The following ADGRA3 variants were observed in gnomAD, a reference collection of about 807,000 sequenced individuals.
ADGRA3 encodes the protein adhesion G protein-coupled receptor A3, also known as G-protein coupled receptor 125.
Under a neutral mutation model 119.8 loss-of-function variants are expected in ADGRA3, and 56 were observed. The ratio of observed to expected loss-of-function variants is 0.47; its 90% CI spans 0.38 to 0.58. ADGRA3 has a LOEUF of 0.58. Among genes scored for constraint, ADGRA3 ranks in the 20% least tolerant of loss-of-function variants. ADGRA3 has a pLI of 0.00. For missense variants in ADGRA3, 1,516 were observed against 1,649.0 expected, an observed-to-expected ratio of 0.92 and a Z score of 1.40; for synonymous variants, 607 against 623.8, an observed-to-expected ratio of 0.97 and a Z score of 0.40.
intron 12 of ADGRA3, 55 bp downstream of exon 12, chr4:22,420,831 G>A (rs748797541): frequency 2.6e-6 from 4 of 1,510,984 alleles, no homozygotes; most frequent in South Asian, 1.1e-5. Flanking sequence ...CAGAACATTT[G>A]GAGCATTCTA....
intron 1 of ADGRA3, among the ~76,000 whole-genome samples, chr4:22,502,886 CT>C: frequency 1.1e-5 from 1 of 92,376 alleles, no homozygotes; most frequent in African/African-American, 4.3e-5. Flanking sequence ...ACCAGTCCTA[CT>C]TAAGGGAAAA....
chr4:22,443,502 T>A (rs1039999938), intron 6 of ADGRA3, among the ~76,000 whole-genome samples: 1 of 152,146 alleles, frequency 6.6e-6, no homozygotes, highest in Non-Finnish European at 1.5e-5. Context: ...TAGTACTGTA[T>A]CCTAAAGAAT....
At chr4:22,405,867 T>G (rs920555197) in intron 14 of ADGRA3, among the ~76,000 whole-genome samples, 1 of 152,214 alleles carries the variant, frequency 6.6e-6, no homozygotes, top group South Asian at 2.1e-4. Flanking sequence ...AATAGATTTT[T>G]GATAACTATA....
chr4:22,465,861 G>T (rs552945559), intron 2 of ADGRA3, among the ~76,000 whole-genome samples: 1 of 152,282 alleles, frequency 6.6e-6, no homozygotes, highest in Non-Finnish European at 1.5e-5. Context: ...ATCAAGTTGA[G>T]TTGCTGGAGA....
At chr4:22,464,177 T>G (rs1379008759) in intron 2 of ADGRA3, among the ~76,000 whole-genome samples, 1 of 152,218 alleles carries the variant, frequency 6.6e-6, no homozygotes, top group African/African-American at 2.4e-5. Flanking sequence ...GTATAAAATC[T>G]ATGCTCTGAT....
Position 22,413,295 on chromosome 4 carries a change from C to T in ADGRA3, c.2119G>A (p.Asp707Asn). The change falls in exon 14 of 19, where the codon GAT (aspartate) becomes AAT (asparagine). Residue 707 changes from aspartate to asparagine, a missense_variant. Asp to Asn is a conservative substitution (Grantham distance 23). Transcript: ENST00000334304. Reference protein sequence around the residue: ...ADAVAARWDFDLLNGQGGWKS... With the variant: ...ADAVAARWDFNLLNGQGGWKS... ...CAGCCTCCTTGTCCGTTCAGCAAATCGAAATCCCACCGGGCTGCAACAGCA... is the reference window on the plus strand; with the variant it reads ...CAGCCTCCTTGTCCGTTCAGCAAATTGAAATCCCACCGGGCTGCAACAGCA... 3.7e-6 allele frequency: 6 copies of T among 1,614,064 alleles called. No individual in the cohort carries two copies. The highest frequency in any genetic ancestry group is 2.2e-5 in the East Asian group (1 of 44,874).
intron 8 of ADGRA3, 131 bp from the exon 9 acceptor site, chr4:22,436,772 C>G: frequency 1.4e-6 from 1 of 719,870 alleles, no homozygotes; most frequent in Middle Eastern, 3.8e-4. Flanking sequence ...GTCATCAAAA[C>G]TGGGCTGGGA....
intron 13 of ADGRA3, 49 bp from the exon 14 acceptor site, chr4:22,413,439 A>G: frequency 6.6e-7 from 1 of 1,526,038 alleles, no homozygotes; most frequent in Non-Finnish European, 9.1e-7. Flanking sequence ...CTTCATAACC[A>G]ATTATAAATG....
At chr4:22,479,542 T>C (rs751035706) in intron 1 of ADGRA3, among the ~76,000 whole-genome samples, 10 of 151,734 alleles carry the variant, frequency 6.6e-5, no homozygotes, top group African/African-American at 1.2e-4. Context: ...CTTTACACTG[T>C]TGAAGGGAGT....
intron 4 of ADGRA3, among the ~76,000 whole-genome samples, chr4:22,449,947 T>A (rs959988870): frequency 1.3e-5 from 2 of 152,126 alleles, no homozygotes; most frequent in African/African-American, 4.8e-5. Flanking sequence ...AGGGATCACA[T>A]TAGAGAAGGA....
chr4:22,435,660 T>G (rs528622570), intron 9 of ADGRA3, among the ~76,000 whole-genome samples, 194 bp from the exon 10 acceptor site: 1 of 152,244 alleles, frequency 6.6e-6, no homozygotes, highest in African/African-American at 2.4e-5. Flanking sequence ...GGAGGGAAAT[T>G]TTTTCAAGCT....
chr4:22,390,241 C>T (rs965881113), intron 17 of ADGRA3, among the ~76,000 whole-genome samples: 2 of 150,334 alleles, frequency 1.3e-5, no homozygotes, highest in Admixed American at 6.7e-5. Flanking sequence ...CCCCTACCCC[C>T]GTTCTTGTTA....
In ADGRA3 at chr4:22,436,566, G is replaced by T; in HGVS notation, c.1161C>A (p.Pro387=). ...TRNTHGSGIY[P]GNPQDERKAW... ...CTTTTCTCTCATCCTGTGGGTTTCCGGGATATATCCCACTGCCATGGGTGT... is the reference window on the plus strand; with the variant it reads ...CTTTTCTCTCATCCTGTGGGTTTCCTGGATATATCCCACTGCCATGGGTGT... The change falls in exon 9 of 19, where the codon CCC becomes CCA. Residue 387 remains proline (P), a synonymous_variant. Transcript: ENST00000334304. 6.2e-7 allele frequency: 1 copy of T among 1,613,930 alleles called. No individual in the cohort carries two copies. Among genetic ancestry groups the T allele is most frequent in the Non-Finnish European group, 8.5e-7 (1 of 1,179,946 alleles).
At chr4:22,424,497 T>C (rs1281709983) in intron 10 of ADGRA3, 145 bp from the exon 11 acceptor site, 3 of 795,562 alleles carry the variant, frequency 3.8e-6, no homozygotes, top group Admixed American at 2.8e-5. Context: ...TTGTTTCTCA[T>C]GAAAACATCT....
At chr4:22,423,976 C>T (rs1272995912) in intron 11 of ADGRA3, among the ~76,000 whole-genome samples, 1 of 151,952 alleles carries the variant, frequency 6.6e-6, no homozygotes, top group South Asian at 2.1e-4. Context: ...TCTGTAATAA[C>T]TTATAAAATG....
intron 10 of ADGRA3, among the ~76,000 whole-genome samples, chr4:22,425,921 C>T (rs1477133894): frequency 6.6e-6 from 1 of 152,150 alleles, no homozygotes; most frequent in Non-Finnish European, 1.5e-5. Context: ...AAATGCTGAC[C>T]GTGAGTACCT....
At position 22,401,521 on chromosome 4, in the gene ADGRA3, C is replaced by T. The variant is rs772026749; in HGVS notation, c.2391G>A (p.Met797Ile). 47 of 1,609,526 alleles carry T rather than the reference C, an allele frequency of 2.9e-5. No homozygotes were observed. In the South Asian group the frequency reaches 4.8e-4, roughly 16 times the overall value. Residue 797 changes from methionine to isoleucine, a missense_variant, in exon 16 of 19, where the codon ATG (methionine) becomes ATA (isoleucine). Physicochemically the swap from Met to Ile is conservative, Grantham distance 10 (BLOSUM62 1). This residue lies in a region of ADGRA3 where 1,088 missense variants were observed against 1,107.1 expected (regional missense o/e 0.98). Coordinates refer to ENST00000334304, the MANE Select transcript of ADGRA3 (RefSeq NM_145290.4). The part of the protein sequence containing the change: ...LIRISLKSWH[M>I]LVNLCFHIFL... The stretch of plus-strand genomic sequence containing the variant: ...AAATATGAAAGCACAAGTTCACAAG[C>T]ATGTGCCAGCTCTTGAGGCTGATTC...
At chr4:22,492,405 T>C (rs61793372) in intron 1 of ADGRA3, among the ~76,000 whole-genome samples, 14,088 of 152,248 alleles carry the variant, frequency 0.093, 767 homozygotes, top group Middle Eastern at 0.15. Context: ...CCAATATACA[T>C]AGATATTGGA....
At chr4:22,393,000 T>C (rs1263626077) in intron 16 of ADGRA3, 1 of 230,336 alleles carries the variant, frequency 4.3e-6, no homozygotes. Flanking sequence ...TTTTCATAGA[T>C]GTGACATTAT....
Sources: allele counts gnomAD v4.1 joint callset (sites outside exome capture counted in the v4.1 genomes callset), GRCh38; gene constraint gnomAD v4.1.1; regional missense constraint gnomAD v4.1.1; transcripts MANE v1.5; gene names NCBI Gene and HGNC (gene_info 2026-07-23, HGNC 2026-07-21).